Variants in RPTOR observed in about 807,000 individuals in gnomAD.
The protein encoded by RPTOR is regulatory-associated protein of mTOR.
In RPTOR, 21 loss-of-function variants were observed where a neutral mutation model predicts 169.9. That is an observed-to-expected ratio of 0.12 (90% confidence interval 0.09 to 0.18). The LOEUF (loss-of-function observed/expected upper bound fraction) is 0.18, where lower values mean the gene tolerates loss of function less well. Ranked by LOEUF, RPTOR falls within the 10% of genes least tolerant of loss-of-function variation. The pLI is 1.00. For synonymous variants in RPTOR, 732 were observed against 753.2 expected, an observed-to-expected ratio of 0.97 and a Z score of 0.46; for missense variants, 1,133 against 1,855.9, an observed-to-expected ratio of 0.61 and a Z score of 7.16.
intron 1 of RPTOR, among the ~76,000 whole-genome samples, chr17:80,599,043 G>A (rs2065166659): frequency 6.6e-6 from 1 of 152,132 alleles, no homozygotes; most frequent in Non-Finnish European, 1.5e-5. Context: ...CGGGAAGCTG[G>A]CAGATGGTGT....
chr17:80,898,267 T>C (rs2068431579), intron 20 of RPTOR, among the ~76,000 whole-genome samples: 1 of 152,258 alleles, frequency 6.6e-6, no homozygotes, highest in African/African-American at 2.4e-5. Context: ...CTCTAATCTC[T>C]GCTGTCTCTT....
At chr17:80,631,560 C>T (rs1351474158) in intron 2 of RPTOR, among the ~76,000 whole-genome samples, 3 of 152,164 alleles carry the variant, frequency 2.0e-5, no homozygotes, top group Admixed American at 1.3e-4. Flanking sequence ...GTCTGCCCTG[C>T]GGTCTCAGCT....
chr17:80,808,178 A>C (rs1427230610), intron 7 of RPTOR, among the ~76,000 whole-genome samples: 4 of 151,896 alleles, frequency 2.6e-5, no homozygotes, highest in African/African-American at 7.3e-5. Flanking sequence ...TAATCTCAAC[A>C]CTTTGGGAGG....
rs1234727878 is a variant in RPTOR, at chr17:80,892,771, C to G, written c.2144C>G (p.Pro715Arg). The G allele has an allele frequency of 6.2e-7, 1 of 1,614,228 alleles. No individual in the cohort carries two copies. ...CCAGTGCGAGACAGCCCGTGCACCC[C>G]CAGACTTCGTTCTGTGAGCTCCTAT... ...LTPVRDSPCT[P>R]RLRSVSSYGN... The change falls in exon 19 of 34, where the codon CCC (proline) becomes CGC (arginine). Residue 715 changes from proline to arginine, a missense_variant. This residue lies in a region of RPTOR where 150 missense variants were observed against 206.4 expected (regional missense o/e 0.73). Coordinates refer to ENST00000306801, the MANE Select transcript of RPTOR (RefSeq NM_020761.3).
chr17:80,825,418 T>G (rs1385518114), intron 9 of RPTOR, among the ~76,000 whole-genome samples: 1 of 150,930 alleles, frequency 6.6e-6, no homozygotes, highest in Non-Finnish European at 1.5e-5. Flanking sequence ...TTTCTAGGAC[T>G]GGCCCCTCAG....
At chr17:80,773,500 TA>T (rs1293225516) in intron 6 of RPTOR, among the ~76,000 whole-genome samples, 1 of 152,230 alleles carries the variant, frequency 6.6e-6, no homozygotes, top group Non-Finnish European at 1.5e-5. Context: ...TTGTTGGACT[TA>T]AAGTTTGTTG....
In RPTOR at chr17:80,845,047, G is replaced by C. The variant is rs2067712689; in HGVS notation, c.1213-1426G>C. ...GCAGAGCTGTGTGTTAAGTGGAAGTGACTCTCCGTGGAGGGAATCAGGCCG... is the reference window on the plus strand; with the variant it reads ...GCAGAGCTGTGTGTTAAGTGGAAGTCACTCTCCGTGGAGGGAATCAGGCCG... On this transcript the variant is annotated intron_variant, in intron 10 of 33. Transcript: ENST00000306801. The surrounding 1 kb of genome is among the most constrained non-coding windows in gnomAD (Gnocchi z 5.4). 1.3e-5 allele frequency among the ~76,000 whole-genome samples: 2 copies of C among 151,126 alleles called. No homozygotes were observed. The highest frequency in any genetic ancestry group is 4.2e-4 in the South Asian group (2 of 4,724).
At chr17:80,880,550 C>T (rs2068175348) in intron 14 of RPTOR, 61 bp downstream of exon 14, 10 of 1,464,704 alleles carry the variant, frequency 6.8e-6, no homozygotes, top group South Asian at 5.7e-5. Context: ...TCTGCCCACA[C>T]GCTGCACTGC....
In RPTOR at chr17:80,772,562, G is replaced by A. The variant is rs531287764; in HGVS notation, c.830+18377G>A. Reference sequence around the variant, plus strand: ...CTGGTCCCCCACCCCTACCCTCCCCGCCCTTGTCTGGTCTTCAGTGCCTCC... The same window carrying A: ...CTGGTCCCCCACCCCTACCCTCCCCACCCTTGTCTGGTCTTCAGTGCCTCC... On this transcript the variant is annotated intron_variant, in intron 6 of 33. Coordinates refer to ENST00000306801, the MANE Select transcript of RPTOR (RefSeq NM_020761.3). Among the ~76,000 whole-genome samples, 53 of 17,548 alleles carry A rather than the reference G, an allele frequency of 3.0e-3. 1 individual carries two copies. The highest frequency in any genetic ancestry group is 4.8e-3 in the Non-Finnish European group (44 of 9,134). 11.5% of individuals were successfully genotyped at this position (17,548 alleles called of 152,430 possible).
intron 4 of RPTOR, among the ~76,000 whole-genome samples, chr17:80,716,274 G>C (rs2066238681): frequency 6.6e-6 from 1 of 152,134 alleles, no homozygotes; most frequent in Non-Finnish European, 1.5e-5. Context: ...CAGAGGTAAG[G>C]TGGTATCTAT....
At chr17:80,556,370 A>G (rs960339828) in intron 1 of RPTOR, among the ~76,000 whole-genome samples, 1 of 152,128 alleles carries the variant, frequency 6.6e-6, no homozygotes, top group Non-Finnish European at 1.5e-5. Context: ...AATAAGCCGG[A>G]CATGGTGGTG....
intron 31 of RPTOR, among the ~76,000 whole-genome samples, chr17:80,962,243 G>GA (rs551489929): frequency 3.6e-3 from 543 of 152,354 alleles, no homozygotes; most frequent in Admixed American, 5.5e-3. Context: ...GAGAGAGCTT[G>GA]TGGGGGACAG....
In RPTOR at chr17:80,803,104, G is replaced by T. The variant is rs1429442575; in HGVS notation, c.890+11595G>T. 1 of 152,312 alleles carries T rather than the reference G, an allele frequency of 6.6e-6. No homozygotes were observed. Among genetic ancestry groups the T allele is most frequent in the Non-Finnish European group, 1.5e-5 (1 of 68,136 alleles). 9.4% of individuals were successfully genotyped at this position (152,312 alleles called of 1,614,324 possible). A position where few individuals can be genotyped will look rare whatever the true frequency, so the allele number is the denominator to read the frequency against. On this transcript the variant is annotated intron_variant, in intron 7 of 33. Transcript: ENST00000306801. The surrounding 1 kb of genome is among the most constrained non-coding windows in gnomAD (Gnocchi z 6.2). ...GTGCCTCCTTGGATCTGTTTATCCT[G>T]CAGGATTCAGTGCCCTGCCGTTGTT... is the stretch of plus-strand genomic sequence containing the variant.
Position 80,708,068 on chromosome 17 carries a change from G to C in RPTOR, c.507+69G>C. The C allele has an allele frequency of 6.8e-7, 1 of 1,473,088 alleles. No individual in the cohort carries two copies. The highest frequency in any genetic ancestry group is 2.0e-5 in the Admixed American group (1 of 50,368). The allele number at this position is 1,473,088 out of a possible 1,614,324, so 91.3% of individuals were successfully genotyped here. ...ATGCCAATTGCGGTGGTCGGAGCAG[G>C]TCCTGCCCATCCGTAGCTTCTGTTA... On this transcript the variant is annotated intron_variant, in intron 4 of 33. Transcript: ENST00000306801. This position sits in a 1 kb window ranked among gnomAD's most constrained non-coding sequence, Gnocchi z 4.2.
At chr17:80,835,905 A>G (rs1185552885) in intron 9 of RPTOR, among the ~76,000 whole-genome samples, 2 of 152,184 alleles carry the variant, frequency 1.3e-5, no homozygotes, top group Non-Finnish European at 2.9e-5. Context: ...GAGCGAGGTG[A>G]TGATTCACTT....
chr17:80,791,778 C>T (rs2067051269), intron 7 of RPTOR, among the ~76,000 whole-genome samples: 1 of 152,162 alleles, frequency 6.6e-6, no homozygotes, highest in African/African-American at 2.4e-5. Context: ...AGACTTTAAG[C>T]CAAAGCAAGA....
chr17:80,683,717 C>T (rs150521033), intron 3 of RPTOR, among the ~76,000 whole-genome samples: 36 of 152,248 alleles, frequency 2.4e-4, no homozygotes, highest in South Asian at 1.5e-3. Context: ...TATTTTGATG[C>T]TCCAGTTGTC....
intron 13 of RPTOR, among the ~76,000 whole-genome samples, chr17:80,863,822 A>G (rs1225868953): frequency 6.6e-6 from 1 of 152,202 alleles, no homozygotes; most frequent in African/African-American, 2.4e-5. Context: ...CAGAAGGCTG[A>G]GGCGGGAGAA....
intron 23 of RPTOR, among the ~76,000 whole-genome samples, chr17:80,924,491 G>T (rs569286438): frequency 7.2e-5 from 11 of 152,104 alleles, no homozygotes; most frequent in Non-Finnish European, 1.2e-4. Flanking sequence ...GAGCTGTCAC[G>T]GCAAGAGCGG....
Sources: gnomAD v4.1 joint callset for allele counts (sites outside exome capture counted in the v4.1 genomes callset) on GRCh38, gnomAD v4.1.1 for gene constraint, gnomAD v4.1.1 regional missense constraint, Gnocchi (gnomAD v3.1) non-coding constraint, MANE v1.5 for transcripts, NCBI Gene and HGNC (gene_info 2026-07-23, HGNC 2026-07-21) for gene names.